Variants in POLR1C observed in about 807,000 individuals in gnomAD.
POLR1C encodes the protein DNA-directed RNA polymerases I and III subunit RPAC1.
Under a neutral mutation model 38.3 loss-of-function variants are expected in POLR1C, and 42 were observed. The ratio of observed to expected loss-of-function variants is 1.10; its 90% CI spans 0.86 to 1.42. The LOEUF (loss-of-function observed/expected upper bound fraction) is 1.42, where lower values mean the gene tolerates loss of function less well. Ranked by LOEUF, POLR1C falls within the 40% of genes most tolerant of loss-of-function variation. The pLI is 0.00. For missense variants in POLR1C, 507 were observed against 450.5 expected (o/e 1.13, Z -1.14); for synonymous variants, 163 against 163.9 (o/e 0.99, Z 0.04).
downstream of POLR1C, chr6:43,524,079 A>G: frequency 1.9e-6 from 3 of 1,550,420 alleles, no homozygotes; most frequent in East Asian, 4.7e-5. Flanking sequence ...GGCCCGGCGC[A>G]GTGGCTCGCG....
chr6:43,548,270 T>G, intron 9 of POLR1C: 1 of 1,609,782 alleles, frequency 6.2e-7, no homozygotes. Context: ...CCTGTGCATG[T>G]CTTGAGAAAG....
intron 10 of POLR1C, chr6:43,553,237 G>T: frequency 1.8e-6 from 2 of 1,138,164 alleles, no homozygotes; most frequent in Non-Finnish European, 2.4e-6. Context: ...AGGAGTTGGA[G>T]GTTACAGAGA....
At chr6:43,549,747 T>C (rs1457751035) in intron 9 of POLR1C, 14 of 1,108,274 alleles carry the variant, frequency 1.3e-5, no homozygotes, top group Non-Finnish European at 1.8e-5. Flanking sequence ...GTTTCTTGTA[T>C]GCCCTATAGT....
intron 8 of POLR1C, chr6:43,527,519 T>C: frequency 9.9e-7 from 1 of 1,014,284 alleles, no homozygotes; most frequent in Non-Finnish European, 1.5e-6. Flanking sequence ...CAATCCACCA[T>C]GCCCGCCGCA....
intron 10 of POLR1C, chr6:43,554,858 A>G (rs987198637): frequency 1.3e-5 from 2 of 152,246 alleles, no homozygotes; most frequent in African/African-American, 4.8e-5. Context: ...AATTGTAAAT[A>G]AAGCTGAATG....
In POLR1C at chr6:43,517,152, G is replaced by C. The variant is rs765407319; in HGVS notation, c.43G>C (p.Val15Leu). The change falls in exon 1 of 9, where the codon GTT (valine) becomes CTT (leucine). Residue 15 changes from valine to leucine, a missense_variant. Transcript: ENST00000642195. ...GGTGGAGGAAATGCGGAGCCGCGTG[G>C]TTCTGGGGGAGTTTGGGGTTCGCAA... ...QAVEEMRSRV[V>L]LGEFGVRNVH... 4.3e-6 allele frequency: 7 copies of C among 1,614,048 alleles called. No individual in the cohort carries two copies. In the East Asian group the frequency reaches 8.9e-5, roughly 21 times the overall value.
downstream of POLR1C, among the ~76,000 whole-genome samples, chr6:43,524,264 A>G (rs1005310814): frequency 5.3e-5 from 8 of 151,746 alleles, no homozygotes; most frequent in African/African-American, 1.7e-4. Flanking sequence ...AGGCAGGAGA[A>G]TCGTTTGAAC....
intron 9 of POLR1C, among the ~76,000 whole-genome samples, chr6:43,547,861 A>T (rs999062075): frequency 6.6e-6 from 1 of 152,234 alleles, no homozygotes; most frequent in Admixed American, 6.5e-5. Flanking sequence ...TGTCATTTGA[A>T]GGTTTAAATT....
chr6:43,539,779 C>A, intron 9 of POLR1C: 2 of 580,666 alleles, frequency 3.4e-6, no homozygotes, highest in Non-Finnish European at 6.1e-6. Context: ...ATTATCTGTT[C>A]CTTGAAGGTC....
rs184144591 is a variant in POLR1C, at chr6:43,521,151, G to A, written c.923-31G>A. 1.7e-4 allele frequency: 281 copies of A among 1,612,212 alleles called. 1 individual carries two copies. In the African/African-American group the frequency reaches 3.0e-3, roughly 17 times the overall value. On this transcript the variant is annotated intron_variant, in intron 8 of 8. Coordinates refer to ENST00000642195, the MANE Select transcript of POLR1C (RefSeq NM_203290.4). ...TGAGTAAGTTTTACAGGCAAGCCCTGCCTAGACTAAAGTGTCTCTTTGGTC... is the reference window on the plus strand; with the variant it reads ...TGAGTAAGTTTTACAGGCAAGCCCTACCTAGACTAAAGTGTCTCTTTGGTC...
chr6:43,551,531 A>T lies in POLR1C; in HGVS notation c.*48+520A>T, dbSNP rs1795228823. 5 of 1,550,996 alleles carry T rather than the reference A, an allele frequency of 3.2e-6. No individual in the cohort carries two copies. In the South Asian group the frequency reaches 6.0e-5, roughly 18 times the overall value. ...ACCATTTTGGCTACATTTTATTTTC[A>T]TCTTTTAAAGAGACAGGGTCTCATT... On this transcript the variant is annotated intron_variant, in intron 10 of 10. Coordinates refer to the POLR1C transcript ENST00000607635.
chr6:43,545,223 C>T (rs1399881827), intron 9 of POLR1C, among the ~76,000 whole-genome samples: 11 of 152,156 alleles, frequency 7.2e-5, no homozygotes, highest in Admixed American at 7.2e-4. Context: ...CTTTATCAGA[C>T]ACTCCAGCCC....
downstream of POLR1C, chr6:43,522,799 T>TA (rs2127694774): frequency 2.5e-6 from 1 of 406,760 alleles, no homozygotes; most frequent in East Asian, 7.9e-5. Flanking sequence ...AACTCTGCCT[T>TA]ACGGCCAGTA....
chr6:43,531,147 C>T (rs992110041), downstream of POLR1C, among the ~76,000 whole-genome samples: 2 of 152,180 alleles, frequency 1.3e-5, no homozygotes, highest in Non-Finnish European at 2.9e-5. Flanking sequence ...TCCAGCCACC[C>T]GACTCCTATG....
chr6:43,560,639 C>T (rs1052212617), intron 10 of POLR1C, among the ~76,000 whole-genome samples: 2 of 152,136 alleles, frequency 1.3e-5, no homozygotes, highest in Non-Finnish European at 2.9e-5. Context: ...ACTTTTGTTT[C>T]AAAAATCTTT....
At chr6:43,517,446 C>A in intron 2 of POLR1C, 69 bp downstream of exon 2, 1 of 1,347,986 alleles carries the variant, frequency 7.4e-7, no homozygotes, top group Non-Finnish European at 1.1e-6. Flanking sequence ...CAGCCTGTGT[C>A]TGTCTCAGAA....
At chr6:43,536,914 C>G (rs1412318952) in intron 9 of POLR1C, among the ~76,000 whole-genome samples, 2 of 151,936 alleles carry the variant, frequency 1.3e-5, no homozygotes, top group East Asian at 1.9e-4. Context: ...CTCGACAACT[C>G]AACTCTGCAT....
At chr6:43,530,084 G>C (rs1470987856), downstream of POLR1C, among the ~76,000 whole-genome samples, 3 of 151,982 alleles carry the variant, frequency 2.0e-5, no homozygotes, top group African/African-American at 7.3e-5. Flanking sequence ...GCGAAAACCT[G>C]TCTCTACTAA....
At chr6:43,528,033 G>T in intron 8 of POLR1C, 1 of 998,212 alleles carries the variant, frequency 1.0e-6, no homozygotes, top group Non-Finnish European at 1.5e-6. Flanking sequence ...TATCACCTAG[G>T]CTGAGAATGA....
Sources: gnomAD v4.1 joint callset for allele counts (sites outside exome capture counted in the v4.1 genomes callset) on GRCh38, gnomAD v4.1.1 for gene constraint, MANE v1.5 for transcripts, NCBI Gene and HGNC (gene_info 2026-07-23, HGNC 2026-07-21) for gene names.